SBNO2: variants seen among roughly 807,000 people sequenced by gnomAD.
The protein encoded by SBNO2 is protein strawberry notch homolog 2.
In SBNO2, 89 loss-of-function variants were observed where a neutral mutation model predicts 146.3. The observed-to-expected ratio is 0.61, with a 90% confidence interval of 0.51 to 0.73. The LOEUF is 0.73. SBNO2 is among the 30% of genes least tolerant of loss of function. The pLI is 0.00. For synonymous variants in SBNO2, 1,147 were observed against 892.6 expected, an observed-to-expected ratio of 1.29 and a Z score of -5.08; for missense variants, 2,092 against 2,003.7, an observed-to-expected ratio of 1.04 and a Z score of -0.84.
At chr19:1,119,446 T>C in intron 13 of SBNO2, 70 bp downstream of exon 13, 3 of 1,254,146 alleles carry the variant, frequency 2.4e-6, no homozygotes, top group Non-Finnish European at 2.3e-6. Flanking sequence ...TGCCAGGCCT[T>C]GGGCTGATGG....
chr19:1,121,335 G>A (rs192741287), intron 11 of SBNO2, among the ~76,000 whole-genome samples: 9 of 152,314 alleles, frequency 5.9e-5, no homozygotes, highest in African/African-American at 9.6e-5. Context: ...TCGCTATTTC[G>A]TAGATTGTTG....
In SBNO2 at chr19:1,158,538, C is replaced by T. The variant is rs1254108140; in HGVS notation, c.-126-4136G>A. Among the ~76,000 whole-genome samples, 1 of 152,194 alleles carries T rather than the reference C, an allele frequency of 6.6e-6. No individual in the cohort carries two copies. The highest frequency in any genetic ancestry group is 6.5e-5 in the Admixed American group (1 of 15,286). ...ACGGCACACCCCAGAGCGCTCCGCCCAGGCCCGGGTTCTGGTCTCCTGGCA... is the reference window on the plus strand; with the variant it reads ...ACGGCACACCCCAGAGCGCTCCGCCTAGGCCCGGGTTCTGGTCTCCTGGCA... On this transcript the variant is annotated intron_variant, in intron 1 of 31. Coordinates refer to ENST00000361757, the MANE Select transcript of SBNO2 (RefSeq NM_014963.3). This position sits in a 1 kb window ranked among gnomAD's most constrained non-coding sequence, Gnocchi z 9.9.
chr19:1,173,977 T>C lies in SBNO2; in HGVS notation c.-127+195A>G, dbSNP rs902821728. On this transcript the variant is annotated intron_variant, in intron 1 of 31. Transcript: ENST00000361757. This position sits in a 1 kb window ranked among gnomAD's most constrained non-coding sequence, Gnocchi z 4.7. ...GTCGCGGGGCAGCGCGGGGTCAACG[T>C]TGGCGGCGAAGGGCGGGGTCGGAAG... Among the ~76,000 whole-genome samples the C allele has an allele frequency of 1.9e-3, 271 of 146,280 alleles. No individual in the cohort carries two copies. Among genetic ancestry groups the C allele is most frequent in the African/African-American group, 6.7e-3 (266 of 39,768 alleles).
At position 1,123,522 on chromosome 19, in the gene SBNO2, C is replaced by T. The variant is rs368721294; in HGVS notation, c.628+12G>A. On this transcript the variant is annotated intron_variant, in intron 7 of 31. Transcript: ENST00000361757. ...AACCTGTCCCAGGGCTGGGTGCAGC[C>T]GGGCCACTCACACTTGGACGGCACG... 8.1e-6 allele frequency: 13 copies of T among 1,610,728 alleles called. No homozygotes were observed. The highest frequency in any genetic ancestry group is 3.3e-5 in the Admixed American group (2 of 59,980).
Position 1,144,759 on chromosome 19 carries a change from GAGAGACAGAGGCAGAGACAA to G in SBNO2, c.279+2530_279+2549del, listed in dbSNP as rs1358584780. Reference sequence around the variant, plus strand: ...AAAGAGACAGGTGGAGAGGGAGACAGAGAGACAGAGGCAGAGACAAAGAGACAGAGACAGAGAGGGAGACA... The same window carrying G: ...AAAGAGACAGGTGGAGAGGGAGACAGAGAGACAGAGACAGAGAGGGAGACA... On this transcript the variant is annotated intron_variant, in intron 4 of 31. Coordinates refer to ENST00000361757, the MANE Select transcript of SBNO2 (RefSeq NM_014963.3). This position sits in a 1 kb window ranked among gnomAD's most constrained non-coding sequence, Gnocchi z 4.1. Among the ~76,000 whole-genome samples, 1 of 151,674 alleles carries G rather than the reference GAGAGACAGAGGCAGAGACAA, an allele frequency of 6.6e-6. No individual in the cohort carries two copies. The highest frequency in any genetic ancestry group is 1.5e-5 in the Non-Finnish European group (1 of 67,910).
In SBNO2 at chr19:1,134,252, C is replaced by A. The variant is rs547712643; in HGVS notation, c.280-6487G>T. 2.0e-5 allele frequency among the ~76,000 whole-genome samples: 3 copies of A among 151,796 alleles called. No homozygotes were observed. In the South Asian group the frequency reaches 6.3e-4, roughly 32 times the overall value. ...GACCTACAGCTCACGGGTGGACTCA[C>A]AGCTCATAGGCACCTGGACCCACAG... On this transcript the variant is annotated intron_variant, in intron 4 of 31. Transcript: ENST00000361757.
In SBNO2 at chr19:1,127,727, G is replaced by A. The variant is rs2079982705; in HGVS notation, c.318C>T (p.Ile106=). The change falls in exon 5 of 32, where the codon ATC becomes ATT. Residue 106 remains isoleucine, a synonymous_variant. Transcript: ENST00000361757. ...ACAGGGAGTCCACGGACGAGGAGAAGATGGAGATGTTGGAGAAGTCCTCAA... is the reference window on the plus strand; with the variant it reads ...ACAGGGAGTCCACGGACGAGGAGAAAATGGAGATGTTGGAGAAGTCCTCAA... ...SYFEDFSNIS[I]FSSSVDSLSD... 1 of 1,613,546 alleles carries A rather than the reference G, an allele frequency of 6.2e-7. No individual in the cohort carries two copies. Among genetic ancestry groups the A allele is most frequent in the Admixed American group, 1.7e-5 (1 of 60,004 alleles).
In SBNO2 at chr19:1,122,686, G is replaced by T. The variant is rs1488926304; in HGVS notation, c.886C>A (p.His296Asn). Reference sequence around the variant, plus strand: ...AATGCTTTCTTCCGGCCGCGCAGGTGGTTCTCCAGGATGACTCCGGCCACC... The same window carrying T: ...AATGCTTTCTTCCGGCCGCGCAGGTTGTTCTCCAGGATGACTCCGGCCACC... ...RTVAGVILEN[H>N]LRGRKKALWF... The change falls in exon 9 of 32, where the codon CAC becomes AAC. Residue 296 changes from histidine (H) to asparagine (N), a missense_variant. Physicochemically the swap from His to Asn is moderately conservative, Grantham distance 68 (BLOSUM62 1). Coordinates refer to ENST00000361757, the MANE Select transcript of SBNO2 (RefSeq NM_014963.3). 6.5e-7 allele frequency: 1 copy of T among 1,536,218 alleles called. No homozygotes were observed. Among genetic ancestry groups the T allele is most frequent in the Non-Finnish European group, 8.7e-7 (1 of 1,146,346 alleles).
rs780321255 is a variant in SBNO2, at chr19:1,117,386, C to G, written c.1641G>C (p.Leu547=). 4 of 1,588,906 alleles carry G rather than the reference C, an allele frequency of 2.5e-6. No individual in the cohort carries two copies. The highest frequency in any genetic ancestry group is 3.4e-6 in the Non-Finnish European group (4 of 1,169,040). Residue 547 remains leucine (L), a synonymous_variant, in exon 15 of 32, where the codon CTG becomes CTC. Coordinates refer to ENST00000361757, the MANE Select transcript of SBNO2 (RefSeq NM_014963.3). ...GCCGGCGCACCTTGGCTGCGATGCA[C>G]AGATACTTGAAGAAGCGCTGGTGTG... is the stretch of plus-strand genomic sequence containing the variant. ...WSAHQRFFKY[L]CIAAKVRRLV... is the part of the protein sequence containing the mutation.
chr19:1,132,090 C>T (rs2080035762), intron 4 of SBNO2: 2 of 1,540,648 alleles, frequency 1.3e-6, no homozygotes, highest in Non-Finnish European at 8.7e-7. Flanking sequence ...GGAGTGTTAC[C>T]TTGTTCAGAG....
chr19:1,108,084 GGGCGCTGAA>G lies in SBNO2; in HGVS notation c.*127_*135del. ...GGCTGACCAGGTGGGGGCCCGGGTC[GGGCGCTGAA>G]GGCACTGCGGCCAGGGCCTAGGGCT... On this transcript the variant is annotated 3_prime_UTR_variant, in exon 32 of 32. Coordinates refer to ENST00000361757, the MANE Select transcript of SBNO2 (RefSeq NM_014963.3). The G allele has an allele frequency of 2.0e-6, 2 of 1,019,252 alleles. No homozygotes were observed. Among genetic ancestry groups the G allele is most frequent in the South Asian group, 4.2e-5 (2 of 48,044 alleles). The allele number at this position is 1,019,252 out of a possible 1,614,324, so 63.1% of individuals were successfully genotyped here. A position where few individuals can be genotyped will look rare whatever the true frequency, so the allele number is the denominator to read the frequency against.
rs547941629 is a variant in SBNO2, at chr19:1,158,467, A to G, written c.-126-4065T>C. ...GGCAAAGCGGAGACCCTGAGAAGAC[A>G]CTGGCCGCAGAGCCATAACCGAGAC... On this transcript the variant is annotated intron_variant, in intron 1 of 31. Transcript: ENST00000361757. The surrounding 1 kb of genome is among the most constrained non-coding windows in gnomAD (Gnocchi z 9.9). Among the ~76,000 whole-genome samples the G allele has an allele frequency of 6.6e-6, 1 of 152,164 alleles. No homozygotes were observed. Among genetic ancestry groups the G allele is most frequent in the Non-Finnish European group, 1.5e-5 (1 of 67,998 alleles).
chr19:1,162,314 T>G (rs142563078), intron 1 of SBNO2, among the ~76,000 whole-genome samples: 42 of 145,988 alleles, frequency 2.9e-4, no homozygotes, highest in African/African-American at 7.9e-4. Context: ...CAAAAAATTA[T>G]CCAGGCGTGG....
intron 5 of SBNO2, among the ~76,000 whole-genome samples, chr19:1,125,574 G>A (rs567847495): frequency 6.6e-6 from 1 of 152,182 alleles, no homozygotes; most frequent in South Asian, 2.1e-4. Flanking sequence ...GGAGGCTGAG[G>A]AGGCAGGAGA....
chr19:1,153,201 A>AT (rs1491017458), intron 2 of SBNO2, among the ~76,000 whole-genome samples: 2 of 151,026 alleles, frequency 1.3e-5, no homozygotes, highest in African/African-American at 4.9e-5. Flanking sequence ...ATAAAAATAA[A>AT]TATATATATA....
chr19:1,172,774 A>C (rs1599894885), intron 1 of SBNO2, among the ~76,000 whole-genome samples: 39 of 49,572 alleles, frequency 7.9e-4, no homozygotes, highest in South Asian at 2.0e-3. Flanking sequence ...CACTCACTGC[A>C]ACCGCCCCCC....
At chr19:1,153,694 C>A (rs887312796) in intron 2 of SBNO2, among the ~76,000 whole-genome samples, 1 of 152,022 alleles carries the variant, frequency 6.6e-6, no homozygotes, top group Admixed American at 6.6e-5. Context: ...TCCGCCACCA[C>A]GCCTGGCTAA....
intron 19 of SBNO2, 125 bp from the exon 20 acceptor site, chr19:1,113,074 G>T (rs2079786448): frequency 1.7e-6 from 2 of 1,178,978 alleles, no homozygotes; most frequent in Non-Finnish European, 2.3e-6. Context: ...ACGGGAGGTG[G>T]GGGTGCTGGG....
At position 1,126,312 on chromosome 19, in the gene SBNO2, G is replaced by A. The variant is rs1170517172; in HGVS notation, c.441+1292C>T. On this transcript the variant is annotated intron_variant, in intron 5 of 31. Transcript: ENST00000361757. This position sits in a 1 kb window ranked among gnomAD's most constrained non-coding sequence, Gnocchi z 4.4. ...CAAAACACAAAAAAACAGACGCCAC[G>A]CAGGTTCCTGGAAGGCTGAGTCACC... Among the ~76,000 whole-genome samples the A allele has an allele frequency of 6.6e-6, 1 of 151,906 alleles. No individual in the cohort carries two copies. The highest frequency in any genetic ancestry group is 2.4e-5 in the African/African-American group (1 of 41,358).
Sources: allele counts gnomAD v4.1 joint callset (sites outside exome capture counted in the v4.1 genomes callset), GRCh38; gene constraint gnomAD v4.1.1; non-coding constraint Gnocchi (gnomAD v3.1); transcripts MANE v1.5; gene names NCBI Gene and HGNC (gene_info 2026-07-23, HGNC 2026-07-21).